The following TNPO1 variants were observed in gnomAD, a reference collection of about 807,000 sequenced individuals.
The protein encoded by TNPO1 is transportin-1.
In TNPO1, 8 loss-of-function variants were observed where a neutral mutation model predicts 119.5. The observed-to-expected ratio is 0.07, with a 90% CI of 0.04 to 0.12. The LOEUF is 0.12. Among genes scored for constraint, TNPO1 ranks in the 10% least tolerant of loss-of-function variants. The pLI is 1.00. For synonymous variants in TNPO1, 362 were observed against 363.0 expected, an observed-to-expected ratio of 1.00 and a Z score of 0.03; for missense variants, 576 against 1,089.8, an observed-to-expected ratio of 0.53 and a Z score of 6.64.
intron 18 of TNPO1, among the ~76,000 whole-genome samples, chr5:72,896,183 G>C (rs1383191955): frequency 6.6e-6 from 1 of 151,798 alleles, no homozygotes; most frequent in Non-Finnish European, 1.5e-5. Flanking sequence ...ACCCAAACTT[G>C]TATTTCCTGT....
At chr5:72,860,965 T>C (rs1746399012) in intron 4 of TNPO1, among the ~76,000 whole-genome samples, 1 of 151,794 alleles carries the variant, frequency 6.6e-6, no homozygotes, top group Non-Finnish European at 1.5e-5. Flanking sequence ...CAGACTGGAG[T>C]GCAGTGGCGT....
intron 1 of TNPO1, among the ~76,000 whole-genome samples, chr5:72,840,656 C>A (rs1347524387): frequency 6.6e-6 from 1 of 152,054 alleles, no homozygotes; most frequent in Non-Finnish European, 1.5e-5. Flanking sequence ...ATTTTGAGAT[C>A]AAGCTTTCCT....
At chr5:72,877,705 T>C (rs2112393237) in intron 9 of TNPO1, among the ~76,000 whole-genome samples, 1 of 152,296 alleles carries the variant, frequency 6.6e-6, no homozygotes, top group South Asian at 2.1e-4. Flanking sequence ...TTCCCACTAG[T>C]TGTGATGCAA....
At chr5:72,906,396 A>G (rs781395856) in intron 24 of TNPO1, among the ~76,000 whole-genome samples, 20 of 137,006 alleles carry the variant, frequency 1.5e-4, no homozygotes, top group Admixed American at 7.4e-4. Context: ...GGTTCAAGCA[A>G]TTCTCCTGCC....
At chr5:72,861,220 A>G (rs965385365) in intron 4 of TNPO1, among the ~76,000 whole-genome samples, 3 of 151,842 alleles carry the variant, frequency 2.0e-5, no homozygotes, top group African/African-American at 7.3e-5. Context: ...CATTAGAATT[A>G]ATTTTAATTG....
At chr5:72,828,782 CA>C (rs1202132431) in intron 1 of TNPO1, among the ~76,000 whole-genome samples, 1 of 151,628 alleles carries the variant, frequency 6.6e-6, no homozygotes, top group Non-Finnish European at 1.5e-5. Flanking sequence ...ATTTAGTTGT[CA>C]TGTCTTTTTA....
intron 6 of TNPO1, among the ~76,000 whole-genome samples, chr5:72,871,123 T>G (rs1364213512): frequency 2.0e-5 from 3 of 152,076 alleles, no homozygotes; most frequent in Non-Finnish European, 4.4e-5. Flanking sequence ...ATTACAGGCA[T>G]GCACCACCAG....
intron 15 of TNPO1, among the ~76,000 whole-genome samples, chr5:72,892,694 A>G (rs999186410): frequency 1.3e-5 from 2 of 152,106 alleles, no homozygotes; most frequent in African/African-American, 2.4e-5. Flanking sequence ...AAATCATTTT[A>G]ATTGTTTTTC....
intron 1 of TNPO1, among the ~76,000 whole-genome samples, chr5:72,837,142 C>A (rs1744721455): frequency 6.6e-6 from 1 of 152,222 alleles, no homozygotes; most frequent in South Asian, 2.1e-4. Flanking sequence ...CACCCCACTT[C>A]TTGGTGCCAA....
intron 1 of TNPO1, chr5:72,817,060 GC>G: frequency 2.4e-6 from 1 of 412,468 alleles, no homozygotes; most frequent in Non-Finnish European, 4.3e-6. Context: ...ATTCAGGGGA[GC>G]GTTTGCCTCG....
At chr5:72,865,835 T>C (rs1006668025) in intron 6 of TNPO1, 106 bp downstream of exon 6, 11 of 1,217,164 alleles carry the variant, frequency 9.0e-6, no homozygotes, top group South Asian at 1.5e-5. Context: ...TCAAAAGATA[T>C]TGGATGTTCC....
At chr5:72,853,654 T>C (rs2112270864) in intron 3 of TNPO1, among the ~76,000 whole-genome samples, 1 of 94,940 alleles carries the variant, frequency 1.1e-5, no homozygotes, top group African/African-American at 3.6e-5. Context: ...TTCTTGTGTT[T>C]ATGCATTTTT....
At chr5:72,887,530 C>T (rs1201819641) in intron 12 of TNPO1, among the ~76,000 whole-genome samples, 1 of 152,052 alleles carries the variant, frequency 6.6e-6, no homozygotes, top group Non-Finnish European at 1.5e-5. Context: ...GCTAAAAATA[C>T]AAAAATTAGC....
Position 72,851,306 on chromosome 5 carries a change from A to G in TNPO1, c.192A>G (p.Lys64=). The G allele has an allele frequency of 6.3e-7, 1 of 1,582,882 alleles. No homozygotes were observed. Among genetic ancestry groups the G allele is most frequent in the Non-Finnish European group, 8.7e-7 (1 of 1,153,832 alleles). ...FNNYLIFVLT[K]LKSEDEPTRS... ...ACTACTTGATTTTTGTTCTTACAAA[A>G]TTAAAATCTGAAGGTAAGTAGGATT... Residue 64 remains lysine, a synonymous_variant, in exon 3 of 25, where the codon AAA becomes AAG. Coordinates refer to ENST00000337273, the MANE Select transcript of TNPO1 (RefSeq NM_002270.4).
At chr5:72,885,517 G>A (rs894989243) in intron 11 of TNPO1, among the ~76,000 whole-genome samples, 1 of 152,154 alleles carries the variant, frequency 6.6e-6, no homozygotes, top group Non-Finnish European at 1.5e-5. Context: ...TAGAGGAGAA[G>A]CCAGTTTTCT....
intron 1 of TNPO1, among the ~76,000 whole-genome samples, chr5:72,826,560 G>A (rs1371286226): frequency 6.6e-6 from 1 of 152,268 alleles, no homozygotes; most frequent in East Asian, 1.9e-4. Context: ...CAGATACAGA[G>A]CCTAGAATGT....
intron 6 of TNPO1, among the ~76,000 whole-genome samples, chr5:72,871,245 A>G (rs1200347798): frequency 6.6e-6 from 1 of 152,084 alleles, no homozygotes; most frequent in Non-Finnish European, 1.5e-5. Flanking sequence ...CCAAAGTGCT[A>G]GGATTACAGG....
chr5:72,877,203 A>G (rs775137060), intron 8 of TNPO1, 25 bp from the exon 9 acceptor site: 10 of 1,314,352 alleles, frequency 7.6e-6, no homozygotes, highest in Non-Finnish European at 1.1e-5. Context: ...TAAACTGACT[A>G]ATATTAAGGA....
intron 1 of TNPO1, among the ~76,000 whole-genome samples, chr5:72,828,568 ATC>A (rs1221929628): frequency 6.6e-6 from 1 of 152,116 alleles, no homozygotes; most frequent in Non-Finnish European, 1.5e-5. Flanking sequence ...GGCTGCATAC[ATC>A]TGTGCCTCTT....
Sources: gnomAD v4.1 joint callset for allele counts (sites outside exome capture counted in the v4.1 genomes callset) on GRCh38, gnomAD v4.1.1 for gene constraint, MANE v1.5 for transcripts, NCBI Gene and HGNC (gene_info 2026-07-23, HGNC 2026-07-21) for gene names.